ADGB: variants seen among roughly 807,000 people sequenced by gnomAD.
ADGB encodes the protein androglobin.
In ADGB, 172 loss-of-function variants were observed where a neutral mutation model predicts 210.5. The observed-to-expected ratio is 0.82, with a 90% CI of 0.72 to 0.93. The LOEUF is 0.93. Among genes scored for constraint, ADGB ranks in the 40% least tolerant of loss-of-function variants. ADGB has a pLI of 0.00. For synonymous variants in ADGB, 658 were observed against 662.7 expected, an observed-to-expected ratio of 0.99 and a Z score of 0.11; for missense variants, 2,025 against 1,964.8, an observed-to-expected ratio of 1.03 and a Z score of -0.58.
chr6:146,803,129 CACA>C, intron 35 of ADGB: 5 of 1,483,862 alleles, frequency 3.4e-6, no homozygotes, highest in Non-Finnish European at 4.7e-6. Flanking sequence ...GGCAATCTAC[CACA>C]ACGCCAAGAT....
At chr6:146,745,605 T>C (rs1215184247) in intron 25 of ADGB, among the ~76,000 whole-genome samples, 1 of 152,180 alleles carries the variant, frequency 6.6e-6, no homozygotes, top group African/African-American at 2.4e-5. Context: ...GGTGCAATGA[T>C]AAAAATCTGC....
chr6:146,697,582 A>G (rs958636139), intron 12 of ADGB, among the ~76,000 whole-genome samples: 1 of 152,170 alleles, frequency 6.6e-6, no homozygotes, highest in Non-Finnish European at 1.5e-5. Flanking sequence ...TTGAAAATAG[A>G]TTAGAAGATA....
At chr6:146,706,442 T>C (rs2114551468) in intron 13 of ADGB, among the ~76,000 whole-genome samples, 1 of 151,998 alleles carries the variant, frequency 6.6e-6, no homozygotes. Context: ...GTATTTTTAG[T>C]AGAGACGAGA....
Position 146,635,498 on chromosome 6 carries a change from T to C in ADGB, c.198T>C (p.Gly66=), listed in dbSNP as rs541248804. The C allele has an allele frequency of 2.5e-5, 39 of 1,547,614 alleles. No homozygotes were observed. The highest frequency in any genetic ancestry group is 3.4e-5 in the Non-Finnish European group (39 of 1,144,874). The change falls in exon 2 of 36, where the codon GGT becomes GGC. Residue 66 remains glycine (G), a synonymous_variant. Coordinates refer to ENST00000397944, the MANE Select transcript of ADGB (RefSeq NM_024694.4). ...CAGAAAAGTGGGATGCAGGCAAAGG[T>C]GCAAAAGAAAAGGACAAAACAGGAA... ...INSEKWDAGK[G]AKEKDKTGKS...
intron 12 of ADGB, among the ~76,000 whole-genome samples, chr6:146,695,870 A>G (rs1312565095): frequency 1.3e-5 from 2 of 151,954 alleles, no homozygotes; most frequent in African/African-American, 2.4e-5. Flanking sequence ...ATGCAACATA[A>G]CTAAGTGGCA....
At chr6:146,697,452 A>G (rs112486612) in intron 12 of ADGB, among the ~76,000 whole-genome samples, 2,997 of 152,294 alleles carry the variant, frequency 0.02, 81 homozygotes, top group African/African-American at 0.06. Context: ...GAAAGTATGT[A>G]AAGTGGTTTA....
At chr6:146,683,454 C>T (rs1255325488) in intron 9 of ADGB, among the ~76,000 whole-genome samples, 1 of 152,094 alleles carries the variant, frequency 6.6e-6, no homozygotes, top group East Asian at 1.9e-4. Flanking sequence ...TAATCAGCTT[C>T]TAGTTTAATT....
At chr6:146,739,121 C>A (rs1201297420) in intron 23 of ADGB, among the ~76,000 whole-genome samples, 3 of 152,118 alleles carry the variant, frequency 2.0e-5, no homozygotes, top group Non-Finnish European at 2.9e-5. Context: ...TCTGGGAAGA[C>A]TGGAAATCAC....
In ADGB at chr6:146,763,783, A is replaced by T. The variant is rs1777534002; in HGVS notation, c.3551-118A>T. 8.5e-6 allele frequency: 8 copies of T among 937,684 alleles called. No homozygotes were observed. The South Asian group carries it at 1.5e-4, about 18-fold the overall frequency. 58.1% of individuals were successfully genotyped at this position (937,684 alleles called of 1,614,324 possible). A position where few individuals can be genotyped will look rare whatever the true frequency, so the allele number is the denominator to read the frequency against. On this transcript the variant is annotated intron_variant, in intron 27 of 35. Coordinates refer to ENST00000397944, the MANE Select transcript of ADGB (RefSeq NM_024694.4). ...CAAAAACACTGTTTTTTATCTCACT[A>T]AAACAAAAGAATTGACCTATTCCTT...
intron 1 of ADGB, among the ~76,000 whole-genome samples, chr6:146,626,219 T>C (rs1315523615): frequency 1.3e-5 from 2 of 152,062 alleles, no homozygotes; most frequent in African/African-American, 4.8e-5. Flanking sequence ...CACTATGCTA[T>C]TATCATCATA....
At chr6:146,643,913 T>G (rs184740812) in intron 2 of ADGB, among the ~76,000 whole-genome samples, 4 of 144,304 alleles carry the variant, frequency 2.8e-5, no homozygotes. Flanking sequence ...ATTTCATACT[T>G]CCTTACAATT....
chr6:146,696,637 A>G (rs1004926756), intron 12 of ADGB, among the ~76,000 whole-genome samples: 5 of 152,196 alleles, frequency 3.3e-5, no homozygotes, highest in Non-Finnish European at 7.3e-5. Context: ...CAAAGATACT[A>G]TTGAAAAATG....
intron 13 of ADGB, among the ~76,000 whole-genome samples, chr6:146,706,698 A>G (rs1312944581): frequency 6.6e-6 from 1 of 151,996 alleles, no homozygotes; most frequent in Non-Finnish European, 1.5e-5. Context: ...TACATAGTAG[A>G]TTCTTAGGAT....
intron 27 of ADGB, among the ~76,000 whole-genome samples, chr6:146,755,427 G>C (rs975907294): frequency 6.6e-6 from 1 of 152,070 alleles, no homozygotes; most frequent in African/African-American, 2.4e-5. Context: ...CTATTTTCGG[G>C]ATAGTAAGTG....
rs1382906551 is a variant in ADGB, at chr6:146,802,031, C to T, written c.4818+20C>T. ...ATGCAGGTGAGTCTAAAAGCACATA[C>T]ATAGATTATAGTTGGCAAATTCTTT... On this transcript the variant is annotated intron_variant, in intron 35 of 35. Coordinates refer to ENST00000397944, the MANE Select transcript of ADGB (RefSeq NM_024694.4). The T allele has an allele frequency of 9.6e-6, 14 of 1,456,416 alleles. No homozygotes were observed. Among genetic ancestry groups the T allele is most frequent in the African/African-American group, 2.9e-5 (2 of 68,310 alleles). 90.2% of individuals were successfully genotyped at this position (1,456,416 alleles called of 1,614,324 possible). A position where few individuals can be genotyped will look rare whatever the true frequency, so the allele number is the denominator to read the frequency against.
chr6:146,660,496 T>A (rs1578420), intron 5 of ADGB, among the ~76,000 whole-genome samples: 64,154 of 151,874 alleles, frequency 0.42, 13,657 homozygotes, highest in East Asian at 0.52. Context: ...TTGTACATAA[T>A]TTATAACAAT....
intron 35 of ADGB, chr6:146,807,803 T>C: frequency 2.8e-6 from 1 of 357,562 alleles, no homozygotes; most frequent in Non-Finnish European, 5.0e-6. Context: ...AGCTTCCAAA[T>C]ATTTAAAATG....
At chr6:146,627,562 T>C (rs964481813) in intron 1 of ADGB, among the ~76,000 whole-genome samples, 3 of 152,146 alleles carry the variant, frequency 2.0e-5, no homozygotes, top group Admixed American at 2.0e-4. Flanking sequence ...TGAAGCAAGA[T>C]ACTTTTCCCA....
intron 10 of ADGB, among the ~76,000 whole-genome samples, chr6:146,688,182 A>G (rs1776258108): frequency 6.6e-6 from 1 of 152,138 alleles, no homozygotes; most frequent in South Asian, 2.1e-4. Context: ...GTGAACTGCA[A>G]TAATACAATT....
Sources: allele counts gnomAD v4.1 joint callset (sites outside exome capture counted in the v4.1 genomes callset), GRCh38; gene constraint gnomAD v4.1.1; transcripts MANE v1.5; gene names NCBI Gene and HGNC (gene_info 2026-07-23, HGNC 2026-07-21).